RGS17: variants seen among roughly 807,000 people sequenced by gnomAD.
RGS17 encodes regulator of G-protein signaling 17.
Under a neutral mutation model 25.5 loss-of-function variants are expected in RGS17, and 12 were observed. The ratio of observed to expected loss-of-function variants is 0.47; its 90% CI spans 0.30 to 0.76. RGS17 has a LOEUF of 0.76. Ranked by LOEUF, RGS17 falls within the 30% of genes least tolerant of loss-of-function variation. The probability of loss-of-function intolerance (pLI) is 0.07; values close to 1 mark genes in which losing one functional copy is unlikely to be tolerated. For synonymous variants in RGS17, 71 were observed against 76.9 expected, an observed-to-expected ratio of 0.92 and a Z score of 0.40; for missense variants, 196 against 242.2, an observed-to-expected ratio of 0.81 and a Z score of 1.27.
At chr6:153,019,337 T>C (rs1321696703) in intron 4 of RGS17, among the ~76,000 whole-genome samples, 4 of 152,258 alleles carry the variant, frequency 2.6e-5, no homozygotes, top group Admixed American at 6.5e-5. Context: ...GAAGGATTTA[T>C]AGTTATTTCT....
chr6:153,066,976 C>G (rs1048605604), intron 1 of RGS17, among the ~76,000 whole-genome samples: 2 of 151,932 alleles, frequency 1.3e-5, no homozygotes, highest in African/African-American at 4.8e-5. Flanking sequence ...GGAGGCGGAG[C>G]TTGCAATGAG....
intron 1 of RGS17, among the ~76,000 whole-genome samples, chr6:153,117,491 T>C (rs1245461964): frequency 2.0e-5 from 3 of 152,156 alleles, no homozygotes; most frequent in Admixed American, 2.0e-4. Context: ...GAAAAGGGGT[T>C]TGCCATGATA....
chr6:153,032,073 T>C (rs1169338943), intron 2 of RGS17, among the ~76,000 whole-genome samples: 3 of 152,104 alleles, frequency 2.0e-5, no homozygotes, highest in African/African-American at 7.2e-5. Context: ...ATAGAACTGA[T>C]GTTTCACTTA....
intron 1 of RGS17, among the ~76,000 whole-genome samples, chr6:153,121,562 C>A (rs1410158565): frequency 6.6e-6 from 1 of 152,074 alleles, no homozygotes; most frequent in Non-Finnish European, 1.5e-5. Flanking sequence ...CTTGTTACTC[C>A]CCCAAAGTCT....
rs919096821 is a variant in RGS17, at chr6:153,128,943, T to C, written c.-26+2181A>G. Among the ~76,000 whole-genome samples the C allele has an allele frequency of 1.2e-4, 18 of 152,262 alleles. 1 individual carries two copies. Among genetic ancestry groups the C allele is most frequent in the Admixed American group, 8.5e-4 (13 of 15,290 alleles). Reference sequence around the variant, plus strand: ...ACGCCAAGGAGTAGTTGCGGAACTATAGCAAAAAGGGTCGAAATCAATCAG... The same window carrying C: ...ACGCCAAGGAGTAGTTGCGGAACTACAGCAAAAAGGGTCGAAATCAATCAG... On this transcript the variant is annotated intron_variant, in intron 1 of 4. Transcript: ENST00000206262.
chr6:153,037,543 C>T (rs1183412738), intron 2 of RGS17, among the ~76,000 whole-genome samples: 2 of 151,816 alleles, frequency 1.3e-5, no homozygotes, highest in Admixed American at 6.6e-5. Context: ...CTCCTGCCTC[C>T]GCCTCCTGAG....
chr6:153,117,381 C>A (rs904082218), intron 1 of RGS17, among the ~76,000 whole-genome samples: 1 of 152,124 alleles, frequency 6.6e-6, no homozygotes, highest in Non-Finnish European at 1.5e-5. Context: ...TCCCTAAACA[C>A]GTGGGGATTA....
intron 2 of RGS17, among the ~76,000 whole-genome samples, chr6:153,031,486 C>A (rs1412259307): frequency 6.6e-6 from 1 of 152,190 alleles, no homozygotes; most frequent in African/African-American, 2.4e-5. Context: ...TCACAATAGT[C>A]CTTGAAGGTA....
chr6:153,013,347 G>A (rs1259440447), intron 4 of RGS17, among the ~76,000 whole-genome samples: 2 of 152,148 alleles, frequency 1.3e-5, no homozygotes, highest in Non-Finnish European at 2.9e-5. Flanking sequence ...GATGACTATA[G>A]TGTGTATACT....
intron 1 of RGS17, among the ~76,000 whole-genome samples, chr6:153,073,355 C>T (rs574961981): frequency 5.9e-5 from 9 of 152,204 alleles, no homozygotes; most frequent in African/African-American, 1.7e-4. Flanking sequence ...TTAGCATCTA[C>T]GACTTTTTGA....
Position 153,011,767 on chromosome 6 carries a change from AAAG to A in RGS17, c.445-8_445-6del. On this transcript the variant is annotated splice_region_variant and splice_polypyrimidine_tract_variant and intron_variant, in intron 4 of 4. Coordinates refer to ENST00000206262, the MANE Select transcript of RGS17 (RefSeq NM_012419.5). ...AACTCGAGAATCAAGACTGACCTAA[AAAG>A]AAACAAGAGCAAATACATTAAATAA... 1 of 1,575,092 alleles carries A rather than the reference AAAG, an allele frequency of 6.3e-7. No individual in the cohort carries two copies. Among genetic ancestry groups the A allele is most frequent in the African/African-American group, 1.4e-5 (1 of 70,290 alleles).
intron 1 of RGS17, among the ~76,000 whole-genome samples, chr6:153,073,069 A>G (rs1329854635): frequency 6.6e-6 from 1 of 152,226 alleles, no homozygotes; most frequent in East Asian, 1.9e-4. Flanking sequence ...TCTCGATGAC[A>G]TAACAATTCC....
At chr6:153,063,957 G>GAA (rs78879892) in intron 1 of RGS17, among the ~76,000 whole-genome samples, 12 of 150,860 alleles carry the variant, frequency 8.0e-5, no homozygotes, top group Admixed American at 2.0e-4. Context: ...AGTGCTGAAG[G>GAA]AAAAAAAAAC....
intron 1 of RGS17, among the ~76,000 whole-genome samples, chr6:153,058,580 G>A (rs1250686545): frequency 6.6e-6 from 1 of 152,140 alleles, no homozygotes; most frequent in Non-Finnish European, 1.5e-5. Context: ...TGTAGTTGTT[G>A]ATTCAGTGTG....
intron 1 of RGS17, among the ~76,000 whole-genome samples, chr6:153,094,904 C>T (rs924056572): frequency 3.5e-5 from 1 of 28,862 alleles, no homozygotes; most frequent in African/African-American, 1.9e-4. Flanking sequence ...TTTTAAATCA[C>T]TTTTTATAAT....
intron 1 of RGS17, among the ~76,000 whole-genome samples, chr6:153,083,862 A>G (rs898318948): frequency 6.6e-6 from 1 of 152,224 alleles, no homozygotes; most frequent in Admixed American, 6.5e-5. Flanking sequence ...AAACTGTAAT[A>G]CAGCTCTCCT....
At chr6:153,101,590 A>G (rs964004581) in intron 1 of RGS17, among the ~76,000 whole-genome samples, 1 of 152,166 alleles carries the variant, frequency 6.6e-6, no homozygotes, top group African/African-American at 2.4e-5. Flanking sequence ...GTTGGTGACT[A>G]CATATGTTAT....
chr6:153,067,488 A>T (rs1776727466), intron 1 of RGS17, among the ~76,000 whole-genome samples: 1 of 152,200 alleles, frequency 6.6e-6, no homozygotes, highest in African/African-American at 2.4e-5. Context: ...AACATAGAAA[A>T]ATCAGTAGCA....
At chr6:153,093,460 G>C (rs1215497291) in intron 1 of RGS17, among the ~76,000 whole-genome samples, 1 of 152,076 alleles carries the variant, frequency 6.6e-6, no homozygotes, top group Non-Finnish European at 1.5e-5. Context: ...TTTTCCACTA[G>C]GAAAATGTTC....
Sources: allele counts gnomAD v4.1 joint callset (sites outside exome capture counted in the v4.1 genomes callset), GRCh38; gene constraint gnomAD v4.1.1; transcripts MANE v1.5; gene names NCBI Gene and HGNC (gene_info 2026-07-23, HGNC 2026-07-21).